UBR2: variants seen among roughly 807,000 people sequenced by gnomAD.
The protein encoded by UBR2 is E3 ubiquitin-protein ligase UBR2.
UBR2 carries 92 observed loss-of-function variants against 247.9 expected under a neutral mutation model. That is an observed-to-expected ratio of 0.37 (90% CI 0.31 to 0.44). The LOEUF is 0.44. Among genes scored for constraint, UBR2 ranks in the 20% least tolerant of loss-of-function variants. The pLI, the probability that UBR2 is intolerant of heterozygous loss-of-function variation, is 1.00. For missense variants in UBR2, 1,613 were observed against 2,112.6 expected, an observed-to-expected ratio of 0.76 and a Z score of 4.64; for synonymous variants, 672 against 693.5, an observed-to-expected ratio of 0.97 and a Z score of 0.49.
chr6:42,578,958 AACACACACACACAAACAC>A (rs961993376), intron 2 of UBR2, among the ~76,000 whole-genome samples: 2 of 116,286 alleles, frequency 1.7e-5, no homozygotes, highest in Non-Finnish European at 3.5e-5. Flanking sequence ...CCATCTCAAA[AACACACACACACAAACAC>A]ACACACACAC....
At chr6:42,624,901 G>T (rs1795236568) in intron 11 of UBR2, among the ~76,000 whole-genome samples, 1 of 152,106 alleles carries the variant, frequency 6.6e-6, no homozygotes, top group Non-Finnish European at 1.5e-5. Flanking sequence ...CATAATTCAG[G>T]CCCCTTTCAT....
rs141055565 is a variant in UBR2 at position 42,671,550 on chromosome 6, G to C, written c.4086+835G>C. Among the ~76,000 whole-genome samples, 552 of 152,212 alleles carry C rather than the reference G, an allele frequency of 3.6e-3. 4 individuals are homozygous for C. The highest frequency in any genetic ancestry group is 0.012 in the African/African-American group (491 of 41,536). ...ACTTCTATGAAATATCTCTTTCCAA[G>C]TTCACCAAATGATCTCCTGATTATC... On this transcript the variant is annotated intron_variant, in intron 36 of 46. Transcript: ENST00000372901.
chr6:42,607,429 A>G (rs1793774742), intron 7 of UBR2, among the ~76,000 whole-genome samples: 1 of 152,044 alleles, frequency 6.6e-6, no homozygotes, highest in South Asian at 2.1e-4. Flanking sequence ...CAGACTCCCA[A>G]AGTGTTGGGA....
intron 8 of UBR2, among the ~76,000 whole-genome samples, chr6:42,614,375 T>TATATATGTATGAACGTACATACATAC (rs70990112): frequency 2.9e-5 from 2 of 69,752 alleles, no homozygotes; most frequent in Admixed American, 1.4e-4. Context: ...TGTGTATGTG[T>TATATATGTATGAACGTACATACATAC]GTATATATGT....
chr6:42,603,247 G>A (rs1434751684), intron 4 of UBR2, among the ~76,000 whole-genome samples: 1 of 152,096 alleles, frequency 6.6e-6, no homozygotes, highest in Non-Finnish European at 1.5e-5. Context: ...TAGAAATTGG[G>A]GGTTAGTAAG....
At chr6:42,632,069 A>AATATATATATATATATAT (rs1554254886) in intron 11 of UBR2, among the ~76,000 whole-genome samples, 2 of 114,088 alleles carry the variant, frequency 1.8e-5, no homozygotes, top group African/African-American at 6.8e-5. Context: ...AAAAAAAAAA[A>AATATATATATATATATAT]ATATATATAT....
At chr6:42,654,919 T>TATC (rs1457747140) in intron 25 of UBR2, among the ~76,000 whole-genome samples, 1 of 152,220 alleles carries the variant, frequency 6.6e-6, no homozygotes, top group East Asian at 1.9e-4. Flanking sequence ...TTAGGTAGTG[T>TATC]CATAGACTGG....
chr6:42,637,163 C>A lies in UBR2; in HGVS notation c.1827C>A (p.Ser609Arg), dbSNP rs770382783. 6.2e-7 allele frequency: 1 copy of A among 1,612,948 alleles called. No individual in the cohort carries two copies. Among genetic ancestry groups the A allele is most frequent in the South Asian group, 1.1e-5 (1 of 90,758 alleles). Residue 609 changes from serine (S) to arginine (R), a missense_variant, in exon 15 of 47, where the codon AGC becomes AGA. Ser to Arg is a moderately radical substitution (Grantham distance 110). This residue lies in a region of UBR2 where 1,524 missense variants were observed against 1,967.3 expected (regional missense o/e 0.77). Coordinates refer to ENST00000372901, the MANE Select transcript of UBR2 (RefSeq NM_001363705.2). ...IRYCVSQEKV[S>R]IHLPVSRLLA... ...ACTGTGTTTCCCAAGAAAAAGTTAG[C>A]ATTCACCTCCCAGTTTCTCGCTTAC...
chr6:42,617,202 A>G, intron 10 of UBR2: 3 of 1,582,526 alleles, frequency 1.9e-6, no homozygotes, highest in Non-Finnish European at 2.6e-6. Context: ...ACATTTGGTC[A>G]TTGTGGATTA....
At chr6:42,564,422 G>A (rs560122849) in intron 1 of UBR2, 25 bp downstream of exon 1, 1 of 1,601,444 alleles carries the variant, frequency 6.2e-7, no homozygotes, top group African/African-American at 1.3e-5. Flanking sequence ...CCGGGCGGGT[G>A]CGTCTGCCCC....
chr6:42,612,157 C>T lies in UBR2; in HGVS notation c.865-14C>T, dbSNP rs1370563885. The T allele has an allele frequency of 1.3e-6, 2 of 1,492,638 alleles. No homozygotes were observed. Among genetic ancestry groups the T allele is most frequent in the Admixed American group, 3.7e-5 (2 of 54,510 alleles). 92.5% of individuals were successfully genotyped at this position (1,492,638 alleles called of 1,614,324 possible). A position where few individuals can be genotyped will look rare whatever the true frequency, so the allele number is the denominator to read the frequency against. On this transcript the variant is annotated splice_polypyrimidine_tract_variant and intron_variant, in intron 7 of 46. Coordinates refer to ENST00000372901, the MANE Select transcript of UBR2 (RefSeq NM_001363705.2). The stretch of plus-strand genomic sequence containing the variant: ...TTTTAAGTTAATTTTTAAATCTTGC[C>T]ATTTCTTTTTAAGAGAAATACCAGT...
chr6:42,660,640 T>A (rs1001205572), intron 30 of UBR2, among the ~76,000 whole-genome samples: 1 of 152,088 alleles, frequency 6.6e-6, no homozygotes, highest in East Asian at 1.9e-4. Flanking sequence ...ATCCTACTTA[T>A]GAAAGGTTGG....
chr6:42,611,726 T>G lies in UBR2; in HGVS notation c.865-445T>G, dbSNP rs1582527069. On this transcript the variant is annotated intron_variant, in intron 7 of 46. Coordinates refer to ENST00000372901, the MANE Select transcript of UBR2 (RefSeq NM_001363705.2). The stretch of plus-strand genomic sequence containing the variant: ...TTCAAGACCAGCCTGGCTAACATAG[T>G]GAAACCCTGTCTCTACTAAAAATAC... Among the ~76,000 whole-genome samples, 3 of 151,720 alleles carry G rather than the reference T, an allele frequency of 2.0e-5. 1 individual carries two copies. The South Asian group carries it at 6.3e-4, about 32-fold the overall frequency.
chr6:42,625,172 T>C (rs1795259768), intron 11 of UBR2, among the ~76,000 whole-genome samples: 1 of 152,198 alleles, frequency 6.6e-6, no homozygotes, highest in South Asian at 2.1e-4. Context: ...GTGTAACCAT[T>C]TGGGCCTCAA....
intron 23 of UBR2, among the ~76,000 whole-genome samples, chr6:42,651,215 C>T (rs1469883297): frequency 6.8e-6 from 1 of 147,774 alleles, no homozygotes; most frequent in African/African-American, 2.5e-5. Flanking sequence ...GGAGTGAGAC[C>T]GTATCTCAAA....
Position 42,689,491 on chromosome 6 carries a change from C to G in UBR2, c.5025-78C>G. 1.5e-6 allele frequency: 2 copies of G among 1,360,670 alleles called. No individual in the cohort carries two copies. The highest frequency in any genetic ancestry group is 2.1e-6 in the Non-Finnish European group (2 of 951,752). 84.3% of individuals were successfully genotyped at this position (1,360,670 alleles called of 1,614,324 possible). ...TGGTTTAAATATCAGTACTATAAGACTTCATTCTATTTGGAACTGAATACA... is the reference window on the plus strand; with the variant it reads ...TGGTTTAAATATCAGTACTATAAGAGTTCATTCTATTTGGAACTGAATACA... On this transcript the variant is annotated intron_variant, in intron 45 of 46. Transcript: ENST00000372901. The surrounding 1 kb of genome is among the most constrained non-coding windows in gnomAD (Gnocchi z 4.0).
intron 14 of UBR2, among the ~76,000 whole-genome samples, chr6:42,636,810 A>G (rs976884179): frequency 2.6e-5 from 4 of 152,110 alleles, no homozygotes; most frequent in Non-Finnish European, 5.9e-5. Context: ...AATAACTTCT[A>G]GATTTCTGCA....
chr6:42,629,368 G>A (rs1325713287), intron 11 of UBR2, among the ~76,000 whole-genome samples: 1 of 151,372 alleles, frequency 6.6e-6, no homozygotes. Flanking sequence ...TAAAAATTAA[G>A]AAAGGCCAGG....
At position 42,676,195 on chromosome 6, in the gene UBR2, A is replaced by T; in HGVS notation, c.4387+4A>T. ...ATCTTACTTACCTCATGTACAGGTA[A>T]CTCTTGCCTTTTTGTCAGTTTCTTG... On this transcript the variant is annotated splice_donor_region_variant and intron_variant, in intron 39 of 46. Transcript: ENST00000372901. The T allele has an allele frequency of 6.4e-7, 1 of 1,557,150 alleles. No homozygotes were observed. The highest frequency in any genetic ancestry group is 1.2e-5 in the South Asian group (1 of 81,554).
Sources: allele counts gnomAD v4.1 joint callset (sites outside exome capture counted in the v4.1 genomes callset), GRCh38; gene constraint gnomAD v4.1.1; regional missense constraint gnomAD v4.1.1; non-coding constraint Gnocchi (gnomAD v3.1); transcripts MANE v1.5; gene names NCBI Gene and HGNC (gene_info 2026-07-23, HGNC 2026-07-21).